KIF26B: variants seen among roughly 807,000 people sequenced by gnomAD.
KIF26B encodes the protein kinesin family member 26B, also known as kinesin-like protein KIF26B.
In KIF26B, 63 loss-of-function variants were observed where a neutral mutation model predicts 151.2. That is an observed-to-expected ratio of 0.42 (90% CI 0.34 to 0.51). The LOEUF (loss-of-function observed/expected upper bound fraction) is 0.51. KIF26B is among the 20% of genes least tolerant of loss of function. KIF26B has a pLI of 0.07. For synonymous variants in KIF26B, 1,357 were observed against 1,262.1 expected (o/e 1.08, Z -1.59); for missense variants, 2,813 against 2,913.6 (o/e 0.97, Z 0.79).
chr1:245,667,790 T>C lies in KIF26B; in HGVS notation c.2259-16443T>C, dbSNP rs1031991920. ...CACTCCTGAAAAGCTCTGAGATGTT[T>C]TGAAGCTAAAACAGACAAACAAAAG... On this transcript the variant is annotated intron_variant, in intron 10 of 14. Transcript: ENST00000407071. This position sits in a 1 kb window ranked among gnomAD's most constrained non-coding sequence, Gnocchi z 4.3. Among the ~76,000 whole-genome samples the C allele has an allele frequency of 1.3e-5, 2 of 152,154 alleles. No homozygotes were observed. Among genetic ancestry groups the C allele is most frequent in the African/African-American group, 4.8e-5 (2 of 41,428 alleles).
intron 2 of KIF26B, among the ~76,000 whole-genome samples, chr1:245,322,303 A>G (rs4589147): frequency 0.33 from 49,628 of 151,954 alleles, 8,624 homozygotes; most frequent in South Asian, 0.41. Flanking sequence ...ACGGGTTGAT[A>G]GGTGCAGCAA....
chr1:245,709,056 A>G lies in KIF26B; in HGVS notation c.*6450A>G, dbSNP rs566101567. 6.6e-6 allele frequency: 1 copy of G among 152,260 alleles called. No homozygotes were observed. The highest frequency in any genetic ancestry group is 1.5e-5 in the Non-Finnish European group (1 of 68,044). The allele number at this position is 152,260 out of a possible 1,614,324, so 9.4% of individuals were successfully genotyped here. ...TATTAGTTCACAAGTGTTTGCTGTTAAAATGCTTCAATAAAACTCATTTGT... is the reference window on the plus strand; with the variant it reads ...TATTAGTTCACAAGTGTTTGCTGTTGAAATGCTTCAATAAAACTCATTTGT... On this transcript the variant is annotated 3_prime_UTR_variant, in exon 15 of 15. Coordinates refer to ENST00000407071, the MANE Select transcript of KIF26B (RefSeq NM_018012.4).
At chr1:245,287,492 C>CTTTTTTTTTTTTTTTTT (rs1217976453) in intron 2 of KIF26B, among the ~76,000 whole-genome samples, 1 of 136,550 alleles carries the variant, frequency 7.3e-6, no homozygotes, top group African/African-American at 2.8e-5. Flanking sequence ...TCTCATCTCT[C>CTTTTTTTTTTTTTTTTT]TCTCTCTTTT....
At chr1:245,484,116 C>G (rs1002488724) in intron 4 of KIF26B, among the ~76,000 whole-genome samples, 9 of 151,756 alleles carry the variant, frequency 5.9e-5, no homozygotes, top group African/African-American at 2.2e-4. Context: ...GGTTTGATTT[C>G]TGCTTACACC....
At chr1:245,419,319 G>A (rs1190204245) in intron 3 of KIF26B, among the ~76,000 whole-genome samples, 1 of 152,164 alleles carries the variant, frequency 6.6e-6, no homozygotes, top group Non-Finnish European at 1.5e-5. Context: ...CAAATGGAGG[G>A]AAGACACAGA....
chr1:245,701,530 A>G (rs1442271733), intron 14 of KIF26B, among the ~76,000 whole-genome samples: 2 of 152,096 alleles, frequency 1.3e-5, no homozygotes, highest in African/African-American at 4.8e-5. Context: ...GCTCTCAGGG[A>G]CCTCATCTGC....
chr1:245,204,079 C>T (rs1174816166), intron 2 of KIF26B, among the ~76,000 whole-genome samples: 1 of 152,170 alleles, frequency 6.6e-6, no homozygotes, highest in Non-Finnish European at 1.5e-5. Flanking sequence ...CATCTTCACA[C>T]GCAGATGCTG....
At chr1:245,542,877 A>T (rs1661657012) in intron 5 of KIF26B, among the ~76,000 whole-genome samples, 1 of 152,218 alleles carries the variant, frequency 6.6e-6, no homozygotes. Context: ...AGTGAAATCA[A>T]GCTGTCAGTG....
At chr1:245,156,167 A>G (rs1314944459) in intron 1 of KIF26B, 115 bp from the exon 2 acceptor site, 2 of 1,439,112 alleles carry the variant, frequency 1.4e-6, no homozygotes, top group Non-Finnish European at 1.8e-6. Context: ...AGAGGTCCCC[A>G]ACCGACTCCC....
At position 245,367,459 on chromosome 1, in the gene KIF26B, A is replaced by T; in HGVS notation, c.999+92A>T. On this transcript the variant is annotated intron_variant, in intron 3 of 14. Coordinates refer to ENST00000407071, the MANE Select transcript of KIF26B (RefSeq NM_018012.4). This position sits in a 1 kb window ranked among gnomAD's most constrained non-coding sequence, Gnocchi z 4.2. ...CTTCCTTCCGCTGCCTCCTCCCGGG[A>T]ACCCTGTAACTCAGAGCCCAGTGTT... 8.4e-7 allele frequency: 1 copy of T among 1,185,978 alleles called. No homozygotes were observed. Among genetic ancestry groups the T allele is most frequent in the East Asian group, 2.6e-5 (1 of 38,992 alleles). 73.5% of individuals were successfully genotyped at this position (1,185,978 alleles called of 1,614,324 possible).
intron 5 of KIF26B, among the ~76,000 whole-genome samples, chr1:245,571,181 G>A (rs1044665290): frequency 6.6e-6 from 1 of 152,188 alleles, no homozygotes; most frequent in Non-Finnish European, 1.5e-5. Context: ...AGTACCCCTT[G>A]TGTGGAAAGC....
intron 3 of KIF26B, among the ~76,000 whole-genome samples, chr1:245,414,071 C>A (rs971530948): frequency 3.9e-5 from 6 of 152,238 alleles, no homozygotes; most frequent in Non-Finnish European, 8.8e-5. Flanking sequence ...CTTGTGGCTG[C>A]CCACCTGGCC....
chr1:245,196,271 A>G (rs1007910700), intron 2 of KIF26B, among the ~76,000 whole-genome samples: 3 of 152,152 alleles, frequency 2.0e-5, no homozygotes, highest in African/African-American at 7.2e-5. Flanking sequence ...CTTTGCAATG[A>G]TTAGGATGAC....
Position 245,367,220 on chromosome 1 carries a change from A to C in KIF26B, c.852A>C (p.Pro284=). The change falls in exon 3 of 15, where the codon CCA becomes CCC. Residue 284 remains proline (P), a synonymous_variant. Transcript: ENST00000407071. The surrounding 1 kb of genome is among the most constrained non-coding windows in gnomAD (Gnocchi z 4.2). ...GGGCGGAAAAGAAGAGCGGGTCCCC[A>C]ACCCACCAGGCCAAGGTCAGCCTCC... ...SNGAEKKSGS[P]THQAKVSLQM... The C allele has an allele frequency of 1.2e-6, 2 of 1,610,136 alleles. No homozygotes were observed. Among genetic ancestry groups the C allele is most frequent in the South Asian group, 1.1e-5 (1 of 90,106 alleles).
At chr1:245,268,493 A>C (rs1435887917) in intron 2 of KIF26B, among the ~76,000 whole-genome samples, 2 of 146,044 alleles carry the variant, frequency 1.4e-5, no homozygotes, top group African/African-American at 5.0e-5. Context: ...AATAATAATA[A>C]TAATAATAAT....
intron 4 of KIF26B, among the ~76,000 whole-genome samples, chr1:245,481,113 A>C (rs940400124): frequency 6.6e-6 from 1 of 151,928 alleles, no homozygotes; most frequent in Non-Finnish European, 1.5e-5. Context: ...AATGCCACCT[A>C]TAAGTGCCAT....
chr1:245,235,008 C>T (rs940728075), intron 2 of KIF26B, among the ~76,000 whole-genome samples: 2 of 152,144 alleles, frequency 1.3e-5, no homozygotes, highest in Non-Finnish European at 2.9e-5. Flanking sequence ...GCTTCCCCAT[C>T]CTCCTGCCTG....
chr1:245,457,554 G>A (rs1255947984), intron 4 of KIF26B, among the ~76,000 whole-genome samples: 1 of 152,180 alleles, frequency 6.6e-6, no homozygotes, highest in Non-Finnish European at 1.5e-5. Context: ...TGACAGAACA[G>A]TTGACACCTC....
intron 4 of KIF26B, among the ~76,000 whole-genome samples, chr1:245,439,357 A>AAAAAG (rs67958255): frequency 0.74 from 92,268 of 124,518 alleles, 34,558 homozygotes; most frequent in East Asian, 0.92. Context: ...AAAAAAAAAA[A>AAAAAG]AAAAAAGAAA....
Sources: gnomAD v4.1 joint callset for allele counts (sites outside exome capture counted in the v4.1 genomes callset) on GRCh38, gnomAD v4.1.1 for gene constraint, Gnocchi (gnomAD v3.1) non-coding constraint, MANE v1.5 for transcripts, NCBI Gene and HGNC (gene_info 2026-07-23, HGNC 2026-07-21) for gene names.